FAM149B1: variants seen among roughly 807,000 people sequenced by gnomAD.
The protein encoded by FAM149B1 is primary cilium assembly protein FAM149B1.
In FAM149B1, 56 loss-of-function variants were observed where a neutral mutation model predicts 75.3. The observed-to-expected ratio is 0.74, with a 90% CI of 0.60 to 0.93. The LOEUF (loss-of-function observed/expected upper bound fraction) is 0.93, where lower values mean the gene tolerates loss of function less well. FAM149B1 is among the 40% of genes least tolerant of loss of function. The pLI, the probability that FAM149B1 is intolerant of heterozygous loss-of-function variation, is 0.00. For synonymous variants in FAM149B1, 259 were observed against 256.1 expected (o/e 1.01, Z -0.11); for missense variants, 639 against 708.4 (o/e 0.90, Z 1.11).
At chr10:73,194,327 G>T (rs907155667) in intron 5 of FAM149B1, among the ~76,000 whole-genome samples, 2 of 152,050 alleles carry the variant, frequency 1.3e-5, no homozygotes, top group Non-Finnish European at 2.9e-5. Context: ...TTTTTAAAAT[G>T]TCGAAGTCTA....
intron 5 of FAM149B1, among the ~76,000 whole-genome samples, chr10:73,194,722 G>C (rs943730530): frequency 1.3e-5 from 2 of 150,028 alleles, no homozygotes; most frequent in African/African-American, 4.9e-5. Context: ...TGTCACCAAG[G>C]CTGGAGTGCA....
At chr10:73,237,826 T>C (rs1031585380) in intron 12 of FAM149B1, among the ~76,000 whole-genome samples, 2 of 152,084 alleles carry the variant, frequency 1.3e-5, no homozygotes, top group Admixed American at 6.5e-5. Context: ...TGGGCTCAAG[T>C]GATCCTCCCA....
At chr10:73,172,947 A>G (rs920354409) in intron 1 of FAM149B1, among the ~76,000 whole-genome samples, 8 of 151,956 alleles carry the variant, frequency 5.3e-5, no homozygotes, top group African/African-American at 1.7e-4. Flanking sequence ...CTACAAAAAA[A>G]AAAAAAATTA....
At chr10:73,176,701 T>C (rs1843979112) in intron 2 of FAM149B1, among the ~76,000 whole-genome samples, 1 of 150,302 alleles carries the variant, frequency 6.7e-6, no homozygotes, top group Admixed American at 6.6e-5. Context: ...GCCTGGGCAA[T>C]ATGGCAAAAC....
Position 73,177,722 on chromosome 10 carries a change from T to A in FAM149B1, c.153-124T>A, listed in dbSNP as rs2133304596. 5 of 794,868 alleles carry A rather than the reference T, an allele frequency of 6.3e-6. No homozygotes were observed. In the South Asian group the frequency reaches 6.6e-5, roughly 11 times the overall value. 49.2% of individuals were successfully genotyped at this position (794,868 alleles called of 1,614,324 possible). A position where few individuals can be genotyped will look rare whatever the true frequency, so the allele number is the denominator to read the frequency against. On this transcript the variant is annotated intron_variant, in intron 2 of 13. Coordinates refer to ENST00000242505, the MANE Select transcript of FAM149B1 (RefSeq NM_173348.2). ...TTCAAGTTCTTCATTTATTTTTGCC[T>A]ATGTGGATATATTTGTACACATGTT...
At chr10:73,196,979 A>G (rs948474162) in intron 5 of FAM149B1, among the ~76,000 whole-genome samples, 2 of 152,122 alleles carry the variant, frequency 1.3e-5, no homozygotes, top group African/African-American at 4.8e-5. Flanking sequence ...TTAGCAGTCA[A>G]CTTGCTGCTT....
intron 5 of FAM149B1, among the ~76,000 whole-genome samples, chr10:73,195,655 G>A (rs1564691816): frequency 6.6e-6 from 1 of 152,080 alleles, no homozygotes; most frequent in Non-Finnish European, 1.5e-5. Context: ...TCCTTTTTAG[G>A]ACATCTGACT....
rs760718433 is a variant in FAM149B1, at chr10:73,243,420, GAGC to G, written c.*2404_*2406del. 1.2e-6 allele frequency: 2 copies of G among 1,613,894 alleles called. No individual in the cohort carries two copies. Among genetic ancestry groups the G allele is most frequent in the Admixed American group, 1.7e-5 (1 of 60,016 alleles). On this transcript the variant is annotated 3_prime_UTR_variant, in exon 14 of 14. Transcript: ENST00000242505. ...TTCCATTATTTCTTTTCTTTCTTGA[GAGC>G]AGATTTTTTCCCTCCTCCTTTGGAA...
chr10:73,237,246 G>A (rs2043842091), intron 12 of FAM149B1, among the ~76,000 whole-genome samples: 1 of 152,104 alleles, frequency 6.6e-6, no homozygotes, highest in Non-Finnish European at 1.5e-5. Context: ...GGCTGACTTA[G>A]GGAGAAACTC....
intron 3 of FAM149B1, chr10:73,192,280 T>C: frequency 4.6e-6 from 1 of 215,780 alleles, no homozygotes; most frequent in East Asian, 1.3e-4. Flanking sequence ...ATCCATAAAG[T>C]GGTTGTGATC....
At position 73,241,532 on chromosome 10, in the gene FAM149B1, A is replaced by G. The variant is rs942163194; in HGVS notation, c.*513A>G. The G allele has an allele frequency of 6.3e-6, 1 of 157,654 alleles. No homozygotes were observed. The highest frequency in any genetic ancestry group is 2.4e-5 in the African/African-American group (1 of 41,522). The allele number at this position is 157,654 out of a possible 1,614,324, so 9.8% of individuals were successfully genotyped here. A position where few individuals can be genotyped will look rare whatever the true frequency, so the allele number is the denominator to read the frequency against. On this transcript the variant is annotated 3_prime_UTR_variant, in exon 14 of 14. Coordinates refer to ENST00000242505, the MANE Select transcript of FAM149B1 (RefSeq NM_173348.2). ...AAACTCTCTTTAGATGTCCTACCCT[A>G]TCAGCAGATTAAAATGGAAGGGGTG...
chr10:73,239,409 T>C (rs1466199316), intron 13 of FAM149B1, 25 bp downstream of exon 13: 2 of 1,528,234 alleles, frequency 1.3e-6, no homozygotes, highest in Non-Finnish European at 1.8e-6. Flanking sequence ...ATGGCCCTTA[T>C]TTACTACTGT....
rs998639851 is a variant in FAM149B1, at chr10:73,224,865, G to C, written c.899-3195G>C. 3.5e-4 allele frequency among the ~76,000 whole-genome samples: 53 copies of C among 152,314 alleles called. 1 individual carries two copies. The highest frequency in any genetic ancestry group is 3.4e-3 in the Middle Eastern group (1 of 294). ...ATTGAACTAGATAGAGGTAAGGGTT[G>C]CACAACATCATGAATGTAACTAATG... On this transcript the variant is annotated intron_variant, in intron 7 of 13. Transcript: ENST00000242505.
At position 73,237,954 on chromosome 10, in the gene FAM149B1, CTTTAAG is replaced by C. The variant is rs551603747; in HGVS notation, c.1603-1353_1603-1348del. 2.2e-3 allele frequency among the ~76,000 whole-genome samples: 341 copies of C among 152,080 alleles called. 3 individuals are homozygous for C. Among genetic ancestry groups the C allele is most frequent in the African/African-American group, 6.8e-3 (281 of 41,504 alleles). On this transcript the variant is annotated intron_variant, in intron 12 of 13. Coordinates refer to ENST00000242505, the MANE Select transcript of FAM149B1 (RefSeq NM_173348.2). ...ACAGATGAAAATGTTTCAGTCTTCT[CTTTAAG>C]TTTATTAAAAAAAAAGTAAAAATTA...
In FAM149B1 at chr10:73,233,094, C is replaced by G. The variant is rs567292300; in HGVS notation, c.1283C>G (p.Pro428Arg). 2 of 1,551,658 alleles carry G rather than the reference C, an allele frequency of 1.3e-6. No individual in the cohort carries two copies. The highest frequency in any genetic ancestry group is 1.7e-6 in the Non-Finnish European group (2 of 1,147,008). ...AATCCACCACCACGAACTCTTCATC[C>G]GATCAGCACGAGCCATTCATGTGCT... ...RRNPPPRTLH[P>R]ISTSHSCAET... The change falls in exon 10 of 14, where the codon CCG (proline) becomes CGG (arginine). Residue 428 changes from proline (P) to arginine (R), a missense_variant. Coordinates refer to ENST00000242505, the MANE Select transcript of FAM149B1 (RefSeq NM_173348.2).
At chr10:73,211,426 GT>G (rs2043184348) in intron 7 of FAM149B1, among the ~76,000 whole-genome samples, 3 of 152,164 alleles carry the variant, frequency 2.0e-5, no homozygotes, top group Admixed American at 1.3e-4. Flanking sequence ...TATTATAAGA[GT>G]TTTAGGAGCT....
chr10:73,201,114 G>T, intron 5 of FAM149B1: 1 of 277,588 alleles, frequency 3.6e-6, no homozygotes, highest in South Asian at 4.9e-5. Context: ...TGGTAGAAAA[G>T]GTGTGGCTAA....
intron 4 of FAM149B1, 57 bp from the exon 5 acceptor site, chr10:73,193,420 T>C: frequency 2.0e-6 from 3 of 1,511,464 alleles, no homozygotes; most frequent in Non-Finnish European, 2.7e-6. Flanking sequence ...TATATCTAGA[T>C]TTTGTATGTA....
At chr10:73,175,222 T>C (rs906091397) in intron 2 of FAM149B1, among the ~76,000 whole-genome samples, 3 of 151,912 alleles carry the variant, frequency 2.0e-5, no homozygotes, top group East Asian at 1.9e-4. Flanking sequence ...TAAAATAACA[T>C]AGCCAAGTGT....
Sources: allele counts gnomAD v4.1 joint callset (sites outside exome capture counted in the v4.1 genomes callset), GRCh38; gene constraint gnomAD v4.1.1; transcripts MANE v1.5; gene names NCBI Gene and HGNC (gene_info 2026-07-23, HGNC 2026-07-21).